Variants in EPHA8 observed in about 807,000 individuals in gnomAD.
EPHA8 encodes ephrin type-A receptor 8.
EPHA8 carries 58 observed loss-of-function variants against 103.6 expected under a neutral mutation model. The observed-to-expected ratio is 0.56, with a 90% CI of 0.45 to 0.70. The LOEUF (loss-of-function observed/expected upper bound fraction) is 0.70, where lower values mean the gene tolerates loss of function less well. Among genes scored for constraint, EPHA8 ranks in the 30% least tolerant of loss-of-function variants. The pLI, the probability that EPHA8 is intolerant of heterozygous loss-of-function variation, is 0.00. For synonymous variants in EPHA8, 559 were observed against 572.5 expected (o/e 0.98, Z 0.34); for missense variants, 1,304 against 1,395.2 (o/e 0.93, Z 1.04).
chr1:22,583,827 C>A (rs1641113421), intron 3 of EPHA8, among the ~76,000 whole-genome samples: 1 of 152,234 alleles, frequency 6.6e-6, no homozygotes, highest in South Asian at 2.1e-4. Context: ...CTGACAAGGA[C>A]CAGGTGGGCC....
rs521570 is a variant in EPHA8 at position 22,589,485 on chromosome 1, A to T, written c.1315+279A>T. 0.37 allele frequency: 535,598 copies of T among 1,460,498 alleles called. 102,856 individuals are homozygous for T. Among genetic ancestry groups the T allele is most frequent in the African/African-American group, 0.66 (46,940 of 70,976 alleles). The allele number at this position is 1,460,498 out of a possible 1,614,324, so 90.5% of individuals were successfully genotyped here. A position where few individuals can be genotyped will look rare whatever the true frequency, so the allele number is the denominator to read the frequency against. On this transcript the variant is annotated intron_variant, in intron 5 of 16. Transcript: ENST00000166244. The surrounding 1 kb of genome is among the most constrained non-coding windows in gnomAD (Gnocchi z 4.3). Reference sequence around the variant, plus strand: ...CCAGAACTTTCCCTCTCTGTGCCTCAGTTTCCTCCCTGGTGCAATGGGAAT... The same window carrying T: ...CCAGAACTTTCCCTCTCTGTGCCTCTGTTTCCTCCCTGGTGCAATGGGAAT...
Position 22,567,970 on chromosome 1 carries a change from T to G in EPHA8, c.95-1319T>G, listed in dbSNP as rs117363384. Among the ~76,000 whole-genome samples the G allele has an allele frequency of 6.6e-6, 1 of 152,208 alleles. No homozygotes were observed. The highest frequency in any genetic ancestry group is 1.5e-5 in the Non-Finnish European group (1 of 68,030). On this transcript the variant is annotated intron_variant, in intron 1 of 16. Transcript: ENST00000166244. This position sits in a 1 kb window ranked among gnomAD's most constrained non-coding sequence, Gnocchi z 4.2. ...AAAGGAAGCAAAGAGGTGAAGGGAC[T>G]TAACCAAGGACACACAGCAGTTAGA...
At chr1:22,592,847 A>AGGGGGGGGG (rs1641409784) in intron 5 of EPHA8, among the ~76,000 whole-genome samples, 1 of 4,274 alleles carries the variant, frequency 2.3e-4, no homozygotes. Context: ...TCAAGGAGGG[A>AGGGGGGGGG]GGGGTGGGCG....
chr1:22,598,923 G>A lies in EPHA8; in HGVS notation c.2264G>A (p.Gly755Asp), dbSNP rs1641599161. The part of the protein sequence containing the change: ...GAGMRYLSDL[G>D]YVHRDLAARN... ...GGCATGCGCTACCTCTCAGACCTGGGCTATGTCCACCGAGACCTGGCCGCC... is the reference window on the plus strand; with the variant it reads ...GGCATGCGCTACCTCTCAGACCTGGACTATGTCCACCGAGACCTGGCCGCC... Residue 755 changes from glycine to aspartate, a missense_variant, in exon 13 of 17, where the codon GGC becomes GAC. By Grantham distance (94) the Gly-to-Asp change is moderately conservative. Coordinates refer to ENST00000166244, the MANE Select transcript of EPHA8 (RefSeq NM_020526.5). The surrounding 1 kb of genome is among the most constrained non-coding windows in gnomAD (Gnocchi z 5.1). 6.2e-7 allele frequency: 1 copy of A among 1,612,244 alleles called. No homozygotes were observed. The highest frequency in any genetic ancestry group is 1.3e-5 in the African/African-American group (1 of 74,690).
Position 22,578,461 on chromosome 1 carries a change from CAT to C in EPHA8, c.823+1582_823+1583del, listed in dbSNP as rs532494182. ...GTGTGTGCATGTGTGCGAGTGTATG[CAT>C]GTGTGTGCATGTGCATGAGTGTGTG... On this transcript the variant is annotated intron_variant, in intron 3 of 16. Coordinates refer to ENST00000166244, the MANE Select transcript of EPHA8 (RefSeq NM_020526.5). Among the ~76,000 whole-genome samples the C allele has an allele frequency of 2.5e-3, 349 of 141,238 alleles. 2 individuals carry two copies. The highest frequency in any genetic ancestry group is 8.9e-3 in the African/African-American group (333 of 37,302). 92.7% of individuals were successfully genotyped at this position (141,238 alleles called of 152,430 possible). A position where few individuals can be genotyped will look rare whatever the true frequency, so the allele number is the denominator to read the frequency against.
rs750733199 is a variant in EPHA8, at chr1:22,576,510, C to T, written c.453C>T (p.Asp151=). ...TCAAAATCGACACCATTGCGGCCGA[C>T]GAGAGCTTCACAGGTGCCGACCTTG... ...QFLKIDTIAA[D]ESFTGADLGV... is the part of the protein sequence containing the mutation. The change falls in exon 3 of 17, where the codon GAC becomes GAT. Residue 151 remains aspartate, a synonymous_variant. Transcript: ENST00000166244. This position sits in a 1 kb window ranked among gnomAD's most constrained non-coding sequence, Gnocchi z 4.8. 5 of 1,614,176 alleles carry T rather than the reference C, an allele frequency of 3.1e-6. No homozygotes were observed. The South Asian group carries it at 3.3e-5, about 11-fold the overall frequency.
chr1:22,569,151 A>G lies in EPHA8; in HGVS notation c.95-138A>G. On this transcript the variant is annotated intron_variant, in intron 1 of 16. Transcript: ENST00000166244. This position sits in a 1 kb window ranked among gnomAD's most constrained non-coding sequence, Gnocchi z 4.5. ...CCTTCAAGGAGAGGGGAAGAGAGAA[A>G]GGGCATTCAGGCAGAGGGACCCGTG... 5.4e-6 allele frequency: 4 copies of G among 736,818 alleles called. No individual in the cohort carries two copies. Among genetic ancestry groups the G allele is most frequent in the Admixed American group, 2.5e-5 (1 of 40,638 alleles). 45.6% of individuals were successfully genotyped at this position (736,818 alleles called of 1,614,324 possible). A position where few individuals can be genotyped will look rare whatever the true frequency, so the allele number is the denominator to read the frequency against.
chr1:22,586,807 G>A (rs1337567900), intron 4 of EPHA8, among the ~76,000 whole-genome samples, 172 bp downstream of exon 4: 3 of 151,796 alleles, frequency 2.0e-5, no homozygotes, highest in Admixed American at 6.5e-5. Context: ...ATCCCTCCAC[G>A]GTGGCCTAGA....
chr1:22,579,328 TC>T (rs1448838695), intron 3 of EPHA8, among the ~76,000 whole-genome samples: 1 of 151,082 alleles, frequency 6.6e-6, no homozygotes. Flanking sequence ...TATGCATGTG[TC>T]CATGTGTGCA....
chr1:22,582,151 G>A (rs1641063975), intron 3 of EPHA8, among the ~76,000 whole-genome samples: 1 of 152,240 alleles, frequency 6.6e-6, no homozygotes, highest in African/African-American at 2.4e-5. Context: ...TGCCCAGCCT[G>A]AGGGAGTCTT....
In EPHA8 at chr1:22,601,086, C is replaced by T. The variant is rs1197464122; in HGVS notation, c.2727C>T (p.Ser909=). 5.6e-6 allele frequency: 9 copies of T among 1,602,686 alleles called. No homozygotes were observed. Among genetic ancestry groups the T allele is most frequent in the Non-Finnish European group, 7.7e-6 (9 of 1,174,524 alleles). ...PESLRATATV[S]RCPPPAFVRS... is the part of the protein sequence containing the mutation. ...GTCTCAGGGCCACCGCCACAGTCAG[C>T]AGGTGCCTTGTGCCCACCCCAGCTC... Residue 909 remains serine, a splice_region_variant and synonymous_variant, in exon 15 of 17, where the codon AGC becomes AGT. Transcript: ENST00000166244.
In EPHA8 at chr1:22,601,406, CGGTA is replaced by C; in HGVS notation, c.2837_2840del (p.Arg946ProfsTer19). 4 of 1,611,402 alleles carry C rather than the reference CGGTA, an allele frequency of 2.5e-6. No individual in the cohort carries two copies. The highest frequency in any genetic ancestry group is 3.4e-6 in the Non-Finnish European group (4 of 1,179,848). On this transcript the variant is annotated frameshift_variant, in exon 16 of 17. Transcript: ENST00000166244. LOFTEE classifies it high-confidence loss of function. ...CTGGCTGGACTCCATCCGCATGGGC[CGGTA>C]CCGAGACCACTTCGCTGCGGGCGGA... is the stretch of plus-strand genomic sequence containing the variant.
chr1:22,564,243 G>C (rs1014187485), intron 1 of EPHA8, among the ~76,000 whole-genome samples: 10 of 151,920 alleles, frequency 6.6e-5, no homozygotes, highest in South Asian at 2.1e-4. Context: ...GCTGAGAAAC[G>C]GGACCCCGGA....
intron 3 of EPHA8, among the ~76,000 whole-genome samples, chr1:22,578,140 G>GTGTGCGTGTGTGCA (rs1398763320): frequency 1.6e-4 from 15 of 92,936 alleles, no homozygotes; most frequent in African/African-American, 6.2e-4. Context: ...GTGTGCATGT[G>GTGTGCGTGTGTGCA]TGTATGTGTG....
chr1:22,590,521 C>T (rs1237183683), intron 5 of EPHA8, among the ~76,000 whole-genome samples: 1 of 152,172 alleles, frequency 6.6e-6, no homozygotes, highest in African/African-American at 2.4e-5. Flanking sequence ...GGCGCCTCTT[C>T]CCCCTTTCAT....
At chr1:22,571,873 C>CA (rs553380901) in intron 2 of EPHA8, among the ~76,000 whole-genome samples, 4 of 151,864 alleles carry the variant, frequency 2.6e-5, no homozygotes, top group East Asian at 1.9e-4. Flanking sequence ...CCTTTCTCTA[C>CA]AAAAAAAATT....
Position 22,597,252 on chromosome 1 carries a change from A to T in EPHA8, c.1766-60A>T. ...CCCCAGACCCATCCCAGGCCCAGGGAATGTCAGGAAAAAGCAATCTCTCCT... is the reference window on the plus strand; with the variant it reads ...CCCCAGACCCATCCCAGGCCCAGGGTATGTCAGGAAAAAGCAATCTCTCCT... On this transcript the variant is annotated intron_variant, in intron 9 of 16. Transcript: ENST00000166244. The surrounding 1 kb of genome is among the most constrained non-coding windows in gnomAD (Gnocchi z 4.6). 1 of 1,287,518 alleles carries T rather than the reference A, an allele frequency of 7.8e-7. No individual in the cohort carries two copies. Among genetic ancestry groups the T allele is most frequent in the Non-Finnish European group, 1.1e-6 (1 of 923,054 alleles). The allele number at this position is 1,287,518 out of a possible 1,614,324, so 79.8% of individuals were successfully genotyped here. A position where few individuals can be genotyped will look rare whatever the true frequency, so the allele number is the denominator to read the frequency against.
At chr1:22,573,319 C>A (rs760148128) in intron 2 of EPHA8, among the ~76,000 whole-genome samples, 2 of 152,194 alleles carry the variant, frequency 1.3e-5, no homozygotes, top group Admixed American at 6.5e-5. Flanking sequence ...CCGTGCCAGG[C>A]CTGAGCTAAG....
chr1:22,597,572 C>T lies in EPHA8; in HGVS notation c.1930+96C>T. 6.4e-7 allele frequency: 1 copy of T among 1,557,490 alleles called. No individual in the cohort carries two copies. Among genetic ancestry groups the T allele is most frequent in the Non-Finnish European group, 8.7e-7 (1 of 1,150,192 alleles). ...CACCCAGGGCAGAGGGAGCGTGTGA[C>T]CCAGGGGTCTGGCAAGCCCAGGGGG... On this transcript the variant is annotated intron_variant, in intron 10 of 16. Coordinates refer to ENST00000166244, the MANE Select transcript of EPHA8 (RefSeq NM_020526.5). The surrounding 1 kb of genome is among the most constrained non-coding windows in gnomAD (Gnocchi z 4.6).
Sources: gnomAD v4.1 joint callset for allele counts (sites outside exome capture counted in the v4.1 genomes callset) on GRCh38, gnomAD v4.1.1 for gene constraint, Gnocchi (gnomAD v3.1) non-coding constraint, MANE v1.5 for transcripts, NCBI Gene and HGNC (gene_info 2026-07-23, HGNC 2026-07-21) for gene names.